ERBB4: variants seen among roughly 807,000 people sequenced by gnomAD.
ERBB4 encodes the protein receptor tyrosine-protein kinase erbB-4.
In ERBB4, 42 loss-of-function variants were observed where a neutral mutation model predicts 158.0. The ratio of observed to expected loss-of-function variants is 0.27; its 90% CI spans 0.21 to 0.34. The LOEUF (loss-of-function observed/expected upper bound fraction) is 0.34. Ranked by LOEUF, ERBB4 falls within the 10% of genes least tolerant of loss-of-function variation. The pLI is 1.00. For synonymous variants in ERBB4, 583 were observed against 558.7 expected (o/e 1.04, Z -0.61); for missense variants, 1,333 against 1,624.1 (o/e 0.82, Z 3.08).
rs138162388 is a variant in ERBB4, at chr2:212,098,560, T to C, written c.234+26192A>G. 7.2e-3 allele frequency among the ~76,000 whole-genome samples: 1,101 copies of C among 152,226 alleles called. 13 individuals carry two copies. Among genetic ancestry groups the C allele is most frequent in the Admixed American group, 0.011 (171 of 15,290 alleles). ...TGAGAGTGGGTTGTTTAACAGGCAA[T>C]TGGAAATGGCTTGTTTGTATTAAAA... On this transcript the variant is annotated intron_variant, in intron 2 of 27. Transcript: ENST00000342788.
At chr2:212,342,776 C>T (rs958953827) in intron 1 of ERBB4, among the ~76,000 whole-genome samples, 6 of 152,146 alleles carry the variant, frequency 3.9e-5, no homozygotes, top group Admixed American at 6.5e-5. Flanking sequence ...CATGAATCAA[C>T]TATATTGTAG....
chr2:212,271,308 G>T (rs907511150), intron 1 of ERBB4, among the ~76,000 whole-genome samples: 1 of 151,622 alleles, frequency 6.6e-6, no homozygotes, highest in Non-Finnish European at 1.5e-5. Context: ...TTACTTCAAC[G>T]TCTTACCATG....
At chr2:211,473,838 G>A (rs567076883) in intron 20 of ERBB4, among the ~76,000 whole-genome samples, 2 of 151,968 alleles carry the variant, frequency 1.3e-5, no homozygotes, top group Admixed American at 6.6e-5. Flanking sequence ...AAATCTGAGC[G>A]AGTAAGATGG....
intron 1 of ERBB4, among the ~76,000 whole-genome samples, chr2:212,141,541 A>G (rs1389312313): frequency 6.6e-6 from 1 of 152,100 alleles, no homozygotes; most frequent in African/African-American, 2.4e-5. Flanking sequence ...TTAAAAATAG[A>G]AAAACATTTC....
intron 20 of ERBB4, among the ~76,000 whole-genome samples, chr2:211,477,122 G>A (rs1332861830): frequency 6.6e-6 from 1 of 152,036 alleles, no homozygotes; most frequent in African/African-American, 2.4e-5. Flanking sequence ...CCTCATTTAA[G>A]CAGTTAAAAC....
At chr2:211,617,040 G>GA (rs2069417369) in intron 19 of ERBB4, among the ~76,000 whole-genome samples, 2 of 151,324 alleles carry the variant, frequency 1.3e-5, no homozygotes, top group Non-Finnish European at 1.5e-5. Flanking sequence ...ATCAGATCAA[G>GA]AAAAAAAATG....
intron 7 of ERBB4, among the ~76,000 whole-genome samples, chr2:211,716,663 G>A (rs999956516): frequency 1.3e-5 from 2 of 151,426 alleles, no homozygotes; most frequent in South Asian, 2.1e-4. Context: ...GCGACAGAGC[G>A]AGACTCCGTC....
At chr2:211,565,295 T>G (rs1559300989) in intron 19 of ERBB4, among the ~76,000 whole-genome samples, 4 of 151,820 alleles carry the variant, frequency 2.6e-5, no homozygotes, top group Non-Finnish European at 2.9e-5. Context: ...TGTGGGAAGA[T>G]GGGACAGAGT....
chr2:212,119,553 C>T (rs551784524), intron 2 of ERBB4, among the ~76,000 whole-genome samples: 1 of 152,120 alleles, frequency 6.6e-6, no homozygotes, highest in African/African-American at 2.4e-5. Context: ...AAGACAATAG[C>T]ACAAAATCTG....
At chr2:211,398,034 T>G (rs2062957510) in intron 25 of ERBB4, among the ~76,000 whole-genome samples, 1 of 152,216 alleles carries the variant, frequency 6.6e-6, no homozygotes, top group South Asian at 2.1e-4. Flanking sequence ...TAATCTACAC[T>G]GATCTGTTTC....
At chr2:211,615,316 C>T (rs931743887) in intron 19 of ERBB4, among the ~76,000 whole-genome samples, 1 of 151,342 alleles carries the variant, frequency 6.6e-6, no homozygotes, top group East Asian at 1.9e-4. Context: ...ATGTGTTCTG[C>T]ACCATTTTGT....
chr2:211,591,665 A>C (rs2068468835), intron 19 of ERBB4, among the ~76,000 whole-genome samples: 1 of 152,210 alleles, frequency 6.6e-6, no homozygotes, highest in Non-Finnish European at 1.5e-5. Flanking sequence ...GTGGTTCCCC[A>C]CACTCAGCTC....
chr2:211,794,857 T>C (rs1171434986), intron 3 of ERBB4, among the ~76,000 whole-genome samples: 1 of 151,932 alleles, frequency 6.6e-6, no homozygotes, highest in Non-Finnish European at 1.5e-5. Context: ...CCGAGATTTG[T>C]ATTCTCCCTG....
At chr2:212,090,797 G>GT (rs2078751658) in intron 2 of ERBB4, among the ~76,000 whole-genome samples, 1 of 152,060 alleles carries the variant, frequency 6.6e-6, no homozygotes, top group African/African-American at 2.4e-5. Flanking sequence ...TTAAAACAAG[G>GT]TTTACTATAA....
chr2:211,881,405 A>C (rs139424143), intron 3 of ERBB4, among the ~76,000 whole-genome samples: 2 of 152,210 alleles, frequency 1.3e-5, no homozygotes, highest in Admixed American at 1.3e-4. Context: ...AACATCGATA[A>C]GCAAGCTTGA....
chr2:211,810,242 C>T (rs897304013), intron 3 of ERBB4, among the ~76,000 whole-genome samples: 2 of 152,122 alleles, frequency 1.3e-5, no homozygotes, highest in African/African-American at 2.4e-5. Flanking sequence ...TCCTGGATAT[C>T]GTTGTTAACC....
chr2:212,158,647 C>T (rs555548749), intron 1 of ERBB4, among the ~76,000 whole-genome samples: 1 of 152,030 alleles, frequency 6.6e-6, no homozygotes, highest in South Asian at 2.1e-4. Context: ...ACTCACATCC[C>T]CAATAAATAA....
chr2:212,118,737 T>G (rs995958925), intron 2 of ERBB4, among the ~76,000 whole-genome samples: 5 of 152,092 alleles, frequency 3.3e-5, no homozygotes, highest in African/African-American at 9.7e-5. Flanking sequence ...AAATAGAAAT[T>G]TTTAGATGGC....
chr2:212,343,830 CATATT>C (rs2088841632), intron 1 of ERBB4, among the ~76,000 whole-genome samples: 1 of 152,042 alleles, frequency 6.6e-6, no homozygotes, highest in Non-Finnish European at 1.5e-5. Flanking sequence ...ATGTTTATCT[CATATT>C]TTATTTTTCT....
Sources: gnomAD v4.1 joint callset for allele counts (sites outside exome capture counted in the v4.1 genomes callset) on GRCh38, gnomAD v4.1.1 for gene constraint, MANE v1.5 for transcripts, NCBI Gene and HGNC (gene_info 2026-07-23, HGNC 2026-07-21) for gene names.